Variants in TVP23A observed in about 807,000 individuals in gnomAD.
TVP23A encodes the protein trans-golgi network vesicle protein 23 homolog A.
TVP23A carries 21 observed loss-of-function variants against 31.7 expected under a neutral mutation model. That is an observed-to-expected ratio of 0.66 (90% CI 0.47 to 0.95). TVP23A has a LOEUF of 0.95. Ranked by LOEUF, TVP23A falls within the 40% of genes least tolerant of loss-of-function variation. The probability of loss-of-function intolerance (pLI) is 0.00; values close to 1 mark genes in which losing one functional copy is unlikely to be tolerated. For synonymous variants in TVP23A, 104 were observed against 96.0 expected (o/e 1.08, Z -0.49); for missense variants, 279 against 255.6 (o/e 1.09, Z -0.62).
chr16:10,768,994 G>T lies in TVP23A; in HGVS notation c.*108C>A. 6.5e-7 allele frequency: 1 copy of T among 1,536,196 alleles called. No homozygotes were observed. The highest frequency in any genetic ancestry group is 2.2e-5 in the East Asian group (1 of 44,514). On this transcript the variant is annotated 3_prime_UTR_variant, in exon 8 of 8. Transcript: ENST00000299866. This position sits in a 1 kb window ranked among gnomAD's most constrained non-coding sequence, Gnocchi z 4.3. Reference sequence around the variant, plus strand: ...GCCCTCCCCAGCACAGGACAGGGCTGTCAAGGGGTAGACAAGCCATTAGCA... The same window carrying T: ...GCCCTCCCCAGCACAGGACAGGGCTTTCAAGGGGTAGACAAGCCATTAGCA...
At chr16:10,798,304 A>G (rs1054441329) in intron 2 of TVP23A, among the ~76,000 whole-genome samples, 1 of 151,888 alleles carries the variant, frequency 6.6e-6, no homozygotes, top group African/African-American at 2.4e-5. Flanking sequence ...ACTTCCTTTC[A>G]AATTACAGTT....
At chr16:10,793,959 G>A (rs568637595) in intron 2 of TVP23A, among the ~76,000 whole-genome samples, 1 of 148,562 alleles carries the variant, frequency 6.7e-6, no homozygotes, top group East Asian at 2.0e-4. Context: ...CTGGAGGCTG[G>A]CAAGTCCAAG....
intron 2 of TVP23A, among the ~76,000 whole-genome samples, chr16:10,785,780 CAATA>C (rs1195661025): frequency 6.6e-6 from 1 of 152,156 alleles, no homozygotes; most frequent in Admixed American, 6.5e-5. Flanking sequence ...TGATTGTACT[CAATA>C]AATAGTGTGG....
chr16:10,798,541 G>A (rs2033528421), intron 2 of TVP23A, among the ~76,000 whole-genome samples: 1 of 152,200 alleles, frequency 6.6e-6, no homozygotes, highest in African/African-American at 2.4e-5. Flanking sequence ...CCCTCGTGTA[G>A]TCACGTCTCA....
downstream of TVP23A, among the ~76,000 whole-genome samples, chr16:10,758,818 C>T (rs1232937045): frequency 2.0e-5 from 3 of 152,176 alleles, no homozygotes; most frequent in South Asian, 2.1e-4. Flanking sequence ...TCGCTTCTTC[C>T]GTAGTGACAC....
intron 5 of TVP23A, 100 bp downstream of exon 5, chr16:10,773,213 G>T: frequency 1.4e-6 from 2 of 1,391,494 alleles, no homozygotes; most frequent in Non-Finnish European, 1.9e-6. Flanking sequence ...TGTTATAATT[G>T]ATCAATCAAT....
chr16:10,794,261 A>G (rs1042689293), intron 2 of TVP23A, among the ~76,000 whole-genome samples: 4 of 152,194 alleles, frequency 2.6e-5, no homozygotes, highest in African/African-American at 7.2e-5. Flanking sequence ...TATTCAAACC[A>G]TAACAGTGGC....
intron 2 of TVP23A, among the ~76,000 whole-genome samples, chr16:10,808,335 C>G (rs79429550): frequency 2.2e-3 from 341 of 152,214 alleles, no homozygotes; most frequent in African/African-American, 7.8e-3. Context: ...TCTTGAAAGA[C>G]AAAAGTTACT....
At position 10,767,226 on chromosome 16, in the gene TVP23A, G is replaced by A. The variant is rs750852868; in HGVS notation, c.*1876C>T. The A allele has an allele frequency of 1.7e-4, 69 of 399,644 alleles. No homozygotes were observed. The highest frequency in any genetic ancestry group is 6.2e-4 in the Middle Eastern group (1 of 1,620). 24.8% of individuals were successfully genotyped at this position (399,644 alleles called of 1,614,324 possible). A position where few individuals can be genotyped will look rare whatever the true frequency, so the allele number is the denominator to read the frequency against. On this transcript the variant is annotated 3_prime_UTR_variant, in exon 8 of 8. Coordinates refer to ENST00000299866, the MANE Select transcript of TVP23A (RefSeq NM_001079512.4). The surrounding 1 kb of genome is among the most constrained non-coding windows in gnomAD (Gnocchi z 4.6). ...GGGGCTGGCAGGGCAGACTGGAGGC[G>A]AGAACACCCCCATTGACCCCTAGCC... is the stretch of plus-strand genomic sequence containing the variant.
chr16:10,774,137 A>C lies in TVP23A; in HGVS notation c.235-9T>G. ...AGTCTTCCGGTTACATTCTGAGAAC[A>C]ATAGACAAAGGACTCTGAGCAGGTC... On this transcript the variant is annotated splice_polypyrimidine_tract_variant and intron_variant, in intron 3 of 7. Coordinates refer to ENST00000299866, the MANE Select transcript of TVP23A (RefSeq NM_001079512.4). 6.2e-7 allele frequency: 1 copy of C among 1,602,452 alleles called. No homozygotes were observed. Among genetic ancestry groups the C allele is most frequent in the Non-Finnish European group, 8.5e-7 (1 of 1,173,276 alleles).
intron 2 of TVP23A, among the ~76,000 whole-genome samples, chr16:10,801,000 A>G (rs750860916): frequency 2.0e-5 from 3 of 152,142 alleles, no homozygotes; most frequent in Non-Finnish European, 2.9e-5. Flanking sequence ...CAAAAAATAT[A>G]CTTTGTTAAA....
chr16:10,808,194 G>A (rs1040559713), intron 2 of TVP23A, among the ~76,000 whole-genome samples: 5 of 152,308 alleles, frequency 3.3e-5, no homozygotes, highest in Middle Eastern at 3.4e-3. Context: ...AGTAAGTGCT[G>A]GGGAAGTGTT....
At chr16:10,783,614 T>C (rs2032557810) in intron 2 of TVP23A, among the ~76,000 whole-genome samples, 1 of 152,136 alleles carries the variant, frequency 6.6e-6, no homozygotes. Flanking sequence ...AAGCGGAGGT[T>C]GCAGTGAGCC....
chr16:10,793,901 CAAAAAAAAAAAAAAA>C (rs61392688), intron 2 of TVP23A, among the ~76,000 whole-genome samples: 26 of 39,188 alleles, frequency 6.6e-4, no homozygotes, highest in Middle Eastern at 0.028. Context: ...CCTGTCTCAC[CAAAAAAAAAAAAAAA>C]AAAAAAAAAA....
At chr16:10,780,125 G>GAATAA (rs976054664) in intron 2 of TVP23A, among the ~76,000 whole-genome samples, 1 of 128,646 alleles carries the variant, frequency 7.8e-6, no homozygotes, top group Non-Finnish European at 1.7e-5. Context: ...ATGAATGAAT[G>GAATAA]AATAAAATAA....
chr16:10,775,397 C>T (rs1212571803), intron 2 of TVP23A: 9 of 1,158,190 alleles, frequency 7.8e-6, no homozygotes, highest in South Asian at 2.4e-5. Context: ...TGAAGTGAAA[C>T]GTGACAGCAG....
At chr16:10,806,004 C>T (rs1001865740) in intron 2 of TVP23A, among the ~76,000 whole-genome samples, 2 of 152,118 alleles carry the variant, frequency 1.3e-5, no homozygotes, top group African/African-American at 4.8e-5. Flanking sequence ...CAGATAATGA[C>T]CTGGCCCCAA....
intron 5 of TVP23A, among the ~76,000 whole-genome samples, chr16:10,772,369 CTATT>C (rs1168228059): frequency 6.6e-6 from 1 of 152,110 alleles, no homozygotes; most frequent in African/African-American, 2.4e-5. Flanking sequence ...TTTGTTTTCT[CTATT>C]TATTGATTTT....
At chr16:10,761,159 C>T, downstream of TVP23A, 1 of 475,162 alleles carries the variant, frequency 2.1e-6, no homozygotes, top group South Asian at 2.2e-5. Flanking sequence ...CAGGAACTGC[C>T]TGTTCCTGTA....
Sources: allele counts gnomAD v4.1 joint callset (sites outside exome capture counted in the v4.1 genomes callset), GRCh38; gene constraint gnomAD v4.1.1; non-coding constraint Gnocchi (gnomAD v3.1); transcripts MANE v1.5; gene names NCBI Gene and HGNC (gene_info 2026-07-23, HGNC 2026-07-21).